JAZF1: variants seen among roughly 807,000 people sequenced by gnomAD.
JAZF1 encodes juxtaposed with another zinc finger protein 1.
JAZF1 carries 8 observed loss-of-function variants against 26.4 expected under a neutral mutation model. The observed-to-expected ratio is 0.30, with a 90% confidence interval of 0.18 to 0.55. JAZF1 has a LOEUF of 0.55. Ranked by LOEUF, JAZF1 falls within the 20% of genes least tolerant of loss-of-function variation. The pLI, the probability that JAZF1 is intolerant of heterozygous loss-of-function variation, is 0.94. For missense variants in JAZF1, 199 were observed against 322.0 expected, an observed-to-expected ratio of 0.62 and a Z score of 2.92; for synonymous variants, 126 against 122.3, an observed-to-expected ratio of 1.03 and a Z score of -0.20.
intron 3 of JAZF1, among the ~76,000 whole-genome samples, chr7:27,874,609 G>A (rs1783642337): frequency 6.6e-6 from 1 of 152,156 alleles, no homozygotes; most frequent in South Asian, 2.1e-4. Context: ...CTGTCACTTA[G>A]GAAAACATTA....
intron 1 of JAZF1, among the ~76,000 whole-genome samples, chr7:28,158,186 C>CACAGAGAGAG (rs149643430): frequency 1.2e-4 from 17 of 143,426 alleles, no homozygotes; most frequent in Admixed American, 9.1e-4. Context: ...CACACACACA[C>CACAGAGAGAG]AGAGAGAGAG....
At chr7:27,974,839 G>T (rs1210491351) in intron 2 of JAZF1, among the ~76,000 whole-genome samples, 1 of 151,808 alleles carries the variant, frequency 6.6e-6, no homozygotes, top group Non-Finnish European at 1.5e-5. Flanking sequence ...TGCAGGCTGT[G>T]TAAGTATGGT....
At chr7:28,051,935 G>GA in intron 1 of JAZF1, among the ~76,000 whole-genome samples, 1 of 152,076 alleles carries the variant, frequency 6.6e-6, no homozygotes, top group South Asian at 2.1e-4. Flanking sequence ...TAGTGGAAAA[G>GA]AAAAAATACT....
At chr7:28,113,789 C>G (rs1784699813) in intron 1 of JAZF1, among the ~76,000 whole-genome samples, 1 of 152,194 alleles carries the variant, frequency 6.6e-6, no homozygotes, top group South Asian at 2.1e-4. Flanking sequence ...ACTACTAGCT[C>G]TCAAAATTTT....
intron 2 of JAZF1, among the ~76,000 whole-genome samples, chr7:27,947,858 G>A (rs1331539328): frequency 6.6e-6 from 1 of 152,172 alleles, no homozygotes; most frequent in African/African-American, 2.4e-5. Context: ...GAGCTGGCTG[G>A]AGACGGACAC....
intron 2 of JAZF1, among the ~76,000 whole-genome samples, chr7:27,924,229 C>T (rs1272908246): frequency 1.3e-5 from 2 of 152,204 alleles, no homozygotes; most frequent in African/African-American, 2.4e-5. Context: ...AGGCGCCCGC[C>T]ACCATGCCCG....
intron 1 of JAZF1, among the ~76,000 whole-genome samples, chr7:28,099,735 C>G (rs1784441699): frequency 6.6e-6 from 1 of 152,216 alleles, no homozygotes. Context: ...CTCAGCCTCC[C>G]AAAGTGCTGG....
chr7:28,132,707 G>T (rs1782816314), intron 1 of JAZF1, among the ~76,000 whole-genome samples: 1 of 152,134 alleles, frequency 6.6e-6, no homozygotes, highest in Non-Finnish European at 1.5e-5. Flanking sequence ...CATAGACATG[G>T]AAGAAAGGTC....
At chr7:28,052,180 C>T (rs2128380355) in intron 1 of JAZF1, among the ~76,000 whole-genome samples, 1 of 152,248 alleles carries the variant, frequency 6.6e-6, no homozygotes, top group Admixed American at 6.5e-5. Context: ...TTGTAAATAA[C>T]CTGGGTATAT....
Position 28,109,820 on chromosome 7 carries a change from C to T in JAZF1, c.115+70643G>A, listed in dbSNP as rs577161765. 5.3e-5 allele frequency among the ~76,000 whole-genome samples: 8 copies of T among 152,206 alleles called. No homozygotes were observed. In the East Asian group the frequency reaches 1.5e-3, roughly 29 times the overall value. On this transcript the variant is annotated intron_variant, in intron 1 of 4. Coordinates refer to ENST00000283928, the MANE Select transcript of JAZF1 (RefSeq NM_175061.4). ...AGGGCACTCACCTTGCCTCATCTCC[C>T]GAAGGCCAAACAGGGCCAACAACTG...
intron 1 of JAZF1, among the ~76,000 whole-genome samples, chr7:27,996,047 T>C (rs1786008925): frequency 6.6e-6 from 1 of 152,176 alleles, no homozygotes. Context: ...CTGGAACCAA[T>C]GGCCATCAAG....
intron 2 of JAZF1, among the ~76,000 whole-genome samples, chr7:27,957,655 C>T (rs1785121271): frequency 6.6e-6 from 1 of 152,184 alleles, no homozygotes; most frequent in African/African-American, 2.4e-5. Flanking sequence ...CACTATCTTG[C>T]AAATGCCCCT....
chr7:28,100,118 A>T (rs1467631106), intron 1 of JAZF1, among the ~76,000 whole-genome samples: 1 of 152,252 alleles, frequency 6.6e-6, no homozygotes, highest in Non-Finnish European at 1.5e-5. Flanking sequence ...CACACTCCCA[A>T]ATTTATTAGA....
chr7:27,908,443 G>C (rs1202095652), intron 2 of JAZF1, among the ~76,000 whole-genome samples: 1 of 152,236 alleles, frequency 6.6e-6, no homozygotes, highest in South Asian at 2.1e-4. Flanking sequence ...TTTGGGGGTT[G>C]ATTTTTTTTC....
At chr7:28,135,519 A>G (rs961521094) in intron 1 of JAZF1, among the ~76,000 whole-genome samples, 4 of 152,244 alleles carry the variant, frequency 2.6e-5, no homozygotes, top group African/African-American at 4.8e-5. Context: ...CTGGATTTAC[A>G]GCAAAATAAC....
intron 1 of JAZF1, among the ~76,000 whole-genome samples, chr7:27,999,031 G>A (rs1194549652): frequency 3.3e-5 from 5 of 152,174 alleles, no homozygotes; most frequent in African/African-American, 1.2e-4. Flanking sequence ...CTCTTCAGTG[G>A]TGATGGGGTG....
intron 1 of JAZF1, among the ~76,000 whole-genome samples, chr7:28,013,009 C>T (rs1418353580): frequency 1.3e-5 from 2 of 152,198 alleles, no homozygotes; most frequent in Admixed American, 6.5e-5. Context: ...ACACTTACCC[C>T]ATGGTTTGAA....
chr7:28,081,037 A>G (rs953075668), intron 1 of JAZF1, among the ~76,000 whole-genome samples: 1 of 152,178 alleles, frequency 6.6e-6, no homozygotes, highest in Non-Finnish European at 1.5e-5. Flanking sequence ...GATACAGAGT[A>G]GTAAGCTGGT....
chr7:28,082,712 C>T (rs1178575540), intron 1 of JAZF1, among the ~76,000 whole-genome samples: 1 of 152,172 alleles, frequency 6.6e-6, no homozygotes, highest in Non-Finnish European at 1.5e-5. Context: ...GAACCTTACC[C>T]CTCACATCCC....
Sources: gnomAD v4.1 joint callset for allele counts (sites outside exome capture counted in the v4.1 genomes callset) on GRCh38, gnomAD v4.1.1 for gene constraint, MANE v1.5 for transcripts, NCBI Gene and HGNC (gene_info 2026-07-23, HGNC 2026-07-21) for gene names.